The following TEC variants were observed in gnomAD, a reference collection of about 807,000 sequenced individuals.
TEC encodes the protein tyrosine-protein kinase Tec.
In TEC, 72 loss-of-function variants were observed where a neutral mutation model predicts 93.0. That is an observed-to-expected ratio of 0.77 (90% CI 0.64 to 0.94). TEC has a LOEUF of 0.94. TEC is among the 40% of genes least tolerant of loss of function. The pLI is 0.00. For missense variants in TEC, 630 were observed against 757.9 expected (o/e 0.83, Z 1.98); for synonymous variants, 249 against 247.7 (o/e 1.01, Z -0.05).
intron 2 of TEC, among the ~76,000 whole-genome samples, chr4:48,190,665 C>A (rs1722062530): frequency 6.6e-6 from 1 of 152,078 alleles, no homozygotes. Context: ...ACAACTGGAT[C>A]CAGAGTGCCA....
intron 2 of TEC, among the ~76,000 whole-genome samples, chr4:48,193,368 A>G (rs1220159703): frequency 6.6e-6 from 1 of 152,062 alleles, no homozygotes; most frequent in Non-Finnish European, 1.5e-5. Flanking sequence ...TCTCAGACCT[A>G]TACCACACCA....
intron 9 of TEC, chr4:48,155,918 T>TA: frequency 6.6e-6 from 1 of 152,356 alleles, no homozygotes; most frequent in South Asian, 2.1e-4. Flanking sequence ...ATTTAAAACT[T>TA]ACAGCAATTG....
chr4:48,137,843 C>T (rs1183321049), intron 17 of TEC, among the ~76,000 whole-genome samples: 1 of 152,230 alleles, frequency 6.6e-6, no homozygotes, highest in Non-Finnish European at 1.5e-5. Flanking sequence ...AAATCCCTCA[C>T]ATGGGCTGTC....
intron 14 of TEC, 41 bp from the exon 15 acceptor site, chr4:48,141,460 C>T: frequency 6.3e-7 from 1 of 1,581,776 alleles, no homozygotes; most frequent in Non-Finnish European, 8.7e-7. Context: ...TTTAAAAATT[C>T]TATCATTTAA....
intron 2 of TEC, among the ~76,000 whole-genome samples, chr4:48,218,919 T>G (rs1386306398): frequency 6.6e-6 from 1 of 152,156 alleles, no homozygotes; most frequent in African/African-American, 2.4e-5. Flanking sequence ...TGCTCAATTT[T>G]GGTACAACCA....
At chr4:48,224,950 A>G (rs896782584) in intron 2 of TEC, among the ~76,000 whole-genome samples, 1 of 152,196 alleles carries the variant, frequency 6.6e-6, no homozygotes, top group Non-Finnish European at 1.5e-5. Context: ...CAAAGAAACC[A>G]TAAATCATAG....
intron 3 of TEC, among the ~76,000 whole-genome samples, chr4:48,172,970 T>C (rs551407041): frequency 6.6e-6 from 1 of 152,320 alleles, no homozygotes; most frequent in Admixed American, 6.5e-5. Flanking sequence ...CTGTGGTGTA[T>C]TGTAATAACA....
chr4:48,160,465 G>A (rs897447460), intron 8 of TEC, among the ~76,000 whole-genome samples: 3 of 152,222 alleles, frequency 2.0e-5, no homozygotes, highest in East Asian at 3.9e-4. Context: ...GGTGGCTCAC[G>A]TCTGTAATGC....
chr4:48,242,741 G>A (rs1466068466), intron 1 of TEC, among the ~76,000 whole-genome samples: 1 of 152,136 alleles, frequency 6.6e-6, no homozygotes, highest in East Asian at 1.9e-4. Context: ...TCCAATGTGT[G>A]AAGTGATGGT....
rs564980351 is a variant in TEC, at chr4:48,257,808, T to C, written c.-46+11944A>G. Among the ~76,000 whole-genome samples, 3 of 152,346 alleles carry C rather than the reference T, an allele frequency of 2.0e-5. No individual in the cohort carries two copies. The South Asian group carries it at 6.2e-4, about 32-fold the overall frequency. ...CACCCTGTCCACATGCCCATTTACC[T>C]TTCTAGACTGAAAATTTGGATGGAA... On this transcript the variant is annotated intron_variant, in intron 1 of 17. Coordinates refer to ENST00000381501, the MANE Select transcript of TEC (RefSeq NM_003215.3).
At chr4:48,200,918 A>G (rs1457482199) in intron 2 of TEC, among the ~76,000 whole-genome samples, 1 of 152,212 alleles carries the variant, frequency 6.6e-6, no homozygotes, top group Non-Finnish European at 1.5e-5. Flanking sequence ...GCCCACTTCC[A>G]GTTTTTGGTT....
intron 11 of TEC, among the ~76,000 whole-genome samples, chr4:48,146,946 G>A (rs1168799970): frequency 2.6e-5 from 4 of 152,096 alleles, no homozygotes; most frequent in African/African-American, 7.2e-5. Flanking sequence ...ATTTAAAATC[G>A]TTATGTACTT....
intron 1 of TEC, among the ~76,000 whole-genome samples, chr4:48,245,310 A>T (rs1724026416): frequency 6.6e-6 from 1 of 151,828 alleles, no homozygotes; most frequent in Non-Finnish European, 1.5e-5. Flanking sequence ...AAAAAAAAAA[A>T]TTAAACATTG....
intron 1 of TEC, among the ~76,000 whole-genome samples, chr4:48,234,215 G>A (rs537505223): frequency 2.6e-5 from 4 of 152,300 alleles, no homozygotes; most frequent in African/African-American, 9.6e-5. Context: ...TGAAGTGACA[G>A]GAGAATAAAG....
At chr4:48,269,325 C>G (rs943942877) in intron 1 of TEC, among the ~76,000 whole-genome samples, 21 of 152,370 alleles carry the variant, frequency 1.4e-4, no homozygotes, top group Middle Eastern at 3.4e-3. Flanking sequence ...TATCTCGACA[C>G]TGCCAAATTT....
chr4:48,199,519 T>G (rs1307995433), intron 2 of TEC, among the ~76,000 whole-genome samples: 1 of 127,952 alleles, frequency 7.8e-6, no homozygotes, highest in Non-Finnish European at 1.6e-5. Flanking sequence ...CAGGCTGGAG[T>G]GCAGAGGCAC....
chr4:48,161,498 C>T (rs1183172843), intron 8 of TEC, among the ~76,000 whole-genome samples: 9 of 151,638 alleles, frequency 5.9e-5, no homozygotes, highest in East Asian at 1.9e-4. Flanking sequence ...CTAGGAGCTG[C>T]GGGCCTGGAA....
At chr4:48,153,559 T>C (rs1720267038) in intron 9 of TEC, 1 of 152,176 alleles carries the variant, frequency 6.6e-6, no homozygotes, top group Non-Finnish European at 1.5e-5. Context: ...TAGTGTTCCA[T>C]TATTGGAACA....
At chr4:48,181,131 G>A (rs574100574) in intron 2 of TEC, among the ~76,000 whole-genome samples, 1 of 152,268 alleles carries the variant, frequency 6.6e-6, no homozygotes, top group Admixed American at 6.5e-5. Context: ...AATCAGGTGC[G>A]AGGAGGCAGG....
Sources: allele counts gnomAD v4.1 joint callset (sites outside exome capture counted in the v4.1 genomes callset), GRCh38; gene constraint gnomAD v4.1.1; transcripts MANE v1.5; gene names NCBI Gene and HGNC (gene_info 2026-07-23, HGNC 2026-07-21).